The following KIF17 variants were observed in gnomAD, a reference collection of about 807,000 sequenced individuals.
KIF17 encodes kinesin-like protein KIF17.
In KIF17, 80 loss-of-function variants were observed where a neutral mutation model predicts 96.8. The ratio of observed to expected loss-of-function variants is 0.83; its 90% CI spans 0.69 to 1.00. KIF17 has a LOEUF of 1.00. Ranked by LOEUF, KIF17 falls within the 50% of genes least tolerant of loss-of-function variation. The pLI is 0.00. For synonymous variants in KIF17, 567 were observed against 587.5 expected, an observed-to-expected ratio of 0.97 and a Z score of 0.51; for missense variants, 1,280 against 1,372.9, an observed-to-expected ratio of 0.93 and a Z score of 1.07.
At chr1:20,715,380 C>G in intron 2 of KIF17, 113 bp downstream of exon 2, 2 of 1,389,198 alleles carry the variant, frequency 1.4e-6, no homozygotes, top group East Asian at 2.3e-5. Flanking sequence ...CTCTGCTGAT[C>G]TGCACGGGTC....
At position 20,704,771 on chromosome 1, in the gene KIF17, G is replaced by A. The variant is rs770330549; in HGVS notation, c.799C>T (p.Leu267Phe). ...GAGATGACATTGCCCAGTGCCGAGA[G>A]CGACAGGTTGATCTTGGTGGCCTCC... ...LKEATKINLSLSALGNVISAL... is the reference protein window; with the variant it reads ...LKEATKINLSFSALGNVISAL... The change falls in exon 5 of 15, where the codon CTC becomes TTC. Residue 267 changes from leucine (L) to phenylalanine (F), a missense_variant. Transcript: ENST00000400463. This position sits in a 1 kb window ranked among gnomAD's most constrained non-coding sequence, Gnocchi z 6.8. The A allele has an allele frequency of 4.3e-6, 7 of 1,611,752 alleles. No homozygotes were observed. The highest frequency in any genetic ancestry group is 5.9e-6 in the Non-Finnish European group (7 of 1,179,488).
intron 2 of KIF17, among the ~76,000 whole-genome samples, chr1:20,714,103 A>G (rs974127794): frequency 6.6e-5 from 10 of 152,074 alleles, no homozygotes; most frequent in Non-Finnish European, 1.5e-4. Flanking sequence ...CAAGGCAGGC[A>G]CATCACAAGG....
At chr1:20,705,738 G>C (rs2054329446) in intron 4 of KIF17, among the ~76,000 whole-genome samples, 1 of 152,034 alleles carries the variant, frequency 6.6e-6, no homozygotes, top group African/African-American at 2.4e-5. Context: ...CACCAGATGT[G>C]CTCTTGCACC....
intron 10 of KIF17, among the ~76,000 whole-genome samples, chr1:20,684,599 G>A (rs989254185): frequency 5.9e-5 from 9 of 152,178 alleles, no homozygotes; most frequent in African/African-American, 1.7e-4. Flanking sequence ...AAGGCCAGCA[G>A]GCCTGACAAG....
In KIF17 at chr1:20,690,337, TGGG is replaced by T; in HGVS notation, c.1234-5_1234-3del. 6.1e-6 allele frequency: 1 copy of T among 164,168 alleles called. No individual in the cohort carries two copies. The highest frequency in any genetic ancestry group is 1.1e-5 in the Non-Finnish European group (1 of 90,912). 10.2% of individuals were successfully genotyped at this position (164,168 alleles called of 1,614,324 possible). ...CCGGGCCAGGCGCTCTTCATACTCC[TGGG>T]GGGGTGGGAGGGACCAGAGGGCAGG... On this transcript the variant is annotated splice_polypyrimidine_tract_variant and splice_region_variant and intron_variant, in intron 6 of 14. Coordinates refer to ENST00000400463, the MANE Select transcript of KIF17 (RefSeq NM_001122819.3).
intron 8 of KIF17, 193 bp from the exon 9 acceptor site, chr1:20,686,319 C>T (rs932758713): frequency 4.5e-5 from 29 of 640,746 alleles, no homozygotes; most frequent in Middle Eastern, 4.1e-4. Context: ...AGAGAGGAAA[C>T]GGAAGACAGG....
intron 3 of KIF17, among the ~76,000 whole-genome samples, chr1:20,711,038 T>C (rs2054426336): frequency 6.6e-6 from 1 of 152,104 alleles, no homozygotes. Flanking sequence ...GAGCCGCGTG[T>C]GGCCTGAGGG....
rs541737188 is a variant in KIF17 at position 20,682,590 on chromosome 1, T to G, written c.2463+63A>C. 5,291 of 1,434,316 alleles carry G rather than the reference T, an allele frequency of 3.7e-3. 15 individuals carry two copies. The highest frequency in any genetic ancestry group is 4.5e-3 in the Non-Finnish European group (4,590 of 1,018,292). The allele number at this position is 1,434,316 out of a possible 1,614,324, so 88.8% of individuals were successfully genotyped here. A position where few individuals can be genotyped will look rare whatever the true frequency, so the allele number is the denominator to read the frequency against. ...GCTTCCTACAAGGTGTAGGGATGCC[T>G]GGATCGGGGGGTCTCACCCATCTCT... On this transcript the variant is annotated intron_variant, in intron 11 of 14. Transcript: ENST00000400463.
rs561590653 is a variant in KIF17, at chr1:20,698,324, C to T, written c.1233+55G>A. 2.4e-4 allele frequency: 309 copies of T among 1,305,962 alleles called. 2 individuals carry two copies. In the African/African-American group the frequency reaches 2.7e-3, roughly 11 times the overall value. The allele number at this position is 1,305,962 out of a possible 1,614,324, so 80.9% of individuals were successfully genotyped here. ...ACCCCAGCGGCAGCCCTGCCCTTCC[C>T]GCTGGGCCCCACCTGCCTGTCCCTT... On this transcript the variant is annotated intron_variant, in intron 6 of 14. Coordinates refer to ENST00000400463, the MANE Select transcript of KIF17 (RefSeq NM_001122819.3).
chr1:20,666,904 T>G (rs757127092), intron 13 of KIF17, among the ~76,000 whole-genome samples: 19 of 152,124 alleles, frequency 1.2e-4, no homozygotes, highest in Non-Finnish European at 2.4e-4. Flanking sequence ...CTATACTACA[T>G]CTGACTCCCA....
At position 20,704,391 on chromosome 1, in the gene KIF17, A is replaced by T; in HGVS notation, c.1123+56T>A. The T allele has an allele frequency of 1.4e-6, 2 of 1,417,208 alleles. No homozygotes were observed. The highest frequency in any genetic ancestry group is 2.0e-6 in the Non-Finnish European group (2 of 1,018,502). The allele number at this position is 1,417,208 out of a possible 1,614,324, so 87.8% of individuals were successfully genotyped here. A position where few individuals can be genotyped will look rare whatever the true frequency, so the allele number is the denominator to read the frequency against. On this transcript the variant is annotated intron_variant, in intron 5 of 14. Coordinates refer to ENST00000400463, the MANE Select transcript of KIF17 (RefSeq NM_001122819.3). This position sits in a 1 kb window ranked among gnomAD's most constrained non-coding sequence, Gnocchi z 6.8. ...AGTTGGAGGCGAGAAGACAGAGGGA[A>T]GGAAGCTTTCTCCTGGGGACCTGGC...
chr1:20,680,738 A>C (rs2053815265), intron 11 of KIF17, among the ~76,000 whole-genome samples: 1 of 152,190 alleles, frequency 6.6e-6, no homozygotes, highest in Non-Finnish European at 1.5e-5. Flanking sequence ...AGAAAGGAAA[A>C]AATATTAGAA....
rs373972661 is a variant in KIF17, at chr1:20,682,797, G to A, written c.2319C>T (p.Tyr773=). ...CCAGCTGCTTCCTGCGCTCGTCTGC[G>A]TAGCGCTTGCGCCGCTTGTGCTTCT... The part of the protein sequence containing the change: ...LKEKHKRRKR[Y]ADERRKQLVA... The change falls in exon 11 of 15, where the codon TAC becomes TAT. Residue 773 remains tyrosine (Y), a synonymous_variant. Transcript: ENST00000400463. 1.2e-4 allele frequency: 198 copies of A among 1,612,752 alleles called. 1 individual carries two copies. The highest frequency in any genetic ancestry group is 7.7e-4 in the African/African-American group (58 of 75,068).
chr1:20,699,180 A>G lies in KIF17; in HGVS notation c.1124-692T>C, dbSNP rs1747877. The stretch of plus-strand genomic sequence containing the variant: ...TCCAGGCTGGTCTCAAACTCCTGGG[A>G]TCAAGCAATCTTCTCATCTCGGCCT... On this transcript the variant is annotated intron_variant, in intron 5 of 14. Transcript: ENST00000400463. The surrounding 1 kb of genome is among the most constrained non-coding windows in gnomAD (Gnocchi z 4.3). Among the ~76,000 whole-genome samples, 6,881 of 152,096 alleles carry G rather than the reference A, an allele frequency of 0.045. 521 individuals are homozygous for G. Among genetic ancestry groups the G allele is most frequent in the African/African-American group, 0.16 (6,447 of 41,456 alleles).
At chr1:20,678,385 A>G (rs2053773698) in intron 11 of KIF17, among the ~76,000 whole-genome samples, 1 of 152,206 alleles carries the variant, frequency 6.6e-6, no homozygotes, top group Admixed American at 6.5e-5. Flanking sequence ...GTATACACAC[A>G]TACGTACATA....
intron 14 of KIF17, 40 bp from the exon 15 acceptor site, chr1:20,664,802 G>C: frequency 6.3e-7 from 1 of 1,585,398 alleles, no homozygotes. Context: ...AGCCAGGAGC[G>C]CAGGGATGGA....
intron 4 of KIF17, among the ~76,000 whole-genome samples, chr1:20,707,940 A>C (rs2054373157): frequency 6.6e-6 from 1 of 151,108 alleles, no homozygotes; most frequent in African/African-American, 2.4e-5. Context: ...ATAATGCTTA[A>C]ATGTTAGTGG....
At chr1:20,684,773 C>T (rs202130525) in intron 10 of KIF17, 36 bp downstream of exon 10, 28 of 1,537,396 alleles carry the variant, frequency 1.8e-5, no homozygotes, top group Middle Eastern at 4.5e-4. Context: ...CCCACCTCAC[C>T]GTGGGGTCCC....
intron 6 of KIF17, among the ~76,000 whole-genome samples, chr1:20,697,548 A>G (rs12726703): frequency 0.48 from 72,625 of 152,038 alleles, 18,307 homozygotes; most frequent in East Asian, 0.71. Flanking sequence ...TTGAAGGTGC[A>G]GTGAGTTGAG....
Sources: gnomAD v4.1 joint callset for allele counts (sites outside exome capture counted in the v4.1 genomes callset) on GRCh38, gnomAD v4.1.1 for gene constraint, Gnocchi (gnomAD v3.1) non-coding constraint, MANE v1.5 for transcripts, NCBI Gene and HGNC (gene_info 2026-07-23, HGNC 2026-07-21) for gene names.